Variants in PRKG1 observed in about 807,000 individuals in gnomAD.
PRKG1 encodes cGMP-dependent protein kinase 1.
Under a neutral mutation model 88.1 loss-of-function variants are expected in PRKG1, and 35 were observed. The observed-to-expected ratio is 0.40, with a 90% CI of 0.30 to 0.53. PRKG1 has a LOEUF of 0.53. PRKG1 is among the 20% of genes least tolerant of loss of function. The pLI is 0.59. For synonymous variants in PRKG1, 303 were observed against 292.5 expected, an observed-to-expected ratio of 1.04 and a Z score of -0.37; for missense variants, 540 against 839.8, an observed-to-expected ratio of 0.64 and a Z score of 4.41.
At chr10:51,212,883 C>G (rs1838262580) in intron 2 of PRKG1, among the ~76,000 whole-genome samples, 1 of 152,164 alleles carries the variant, frequency 6.6e-6, no homozygotes, top group Non-Finnish European at 1.5e-5. Context: ...TAAACTAGTT[C>G]AACCATTGTG....
At chr10:51,775,208 T>G (rs1838402750) in intron 3 of PRKG1, among the ~76,000 whole-genome samples, 1 of 152,146 alleles carries the variant, frequency 6.6e-6, no homozygotes, top group Admixed American at 6.6e-5. Flanking sequence ...ACTTCATCTT[T>G]CAGGCAAAAT....
intron 3 of PRKG1, among the ~76,000 whole-genome samples, chr10:51,477,954 G>A (rs756251877): frequency 1.3e-5 from 2 of 152,040 alleles, no homozygotes; most frequent in Non-Finnish European, 2.9e-5. Context: ...TACAGGTAAG[G>A]ATATAGTGGC....
chr10:51,118,857 G>T (rs1324577639), intron 1 of PRKG1, among the ~76,000 whole-genome samples: 3 of 152,090 alleles, frequency 2.0e-5, no homozygotes, highest in Non-Finnish European at 4.4e-5. Flanking sequence ...GAACAAGCTA[G>T]GTTAATTGAA....
chr10:51,465,114 G>C (rs975859237), intron 2 of PRKG1, among the ~76,000 whole-genome samples: 1 of 152,120 alleles, frequency 6.6e-6, no homozygotes, highest in African/African-American at 2.4e-5. Context: ...AACTGAGTAT[G>C]GTGGTCGTGG....
chr10:52,251,476 C>T, intron 9 of PRKG1, 94 bp from the exon 10 acceptor site: 2 of 968,106 alleles, frequency 2.1e-6, no homozygotes, highest in South Asian at 2.8e-5. Context: ...CAGGTAAACC[C>T]TGTTCCACAG....
rs60182756 is a variant in PRKG1 at position 51,436,175 on chromosome 10, GT to G, written c.479-31533del. Among the ~76,000 whole-genome samples, 1,287 of 132,632 alleles carry G rather than the reference GT, an allele frequency of 9.7e-3. 5 individuals carry two copies. Among genetic ancestry groups the G allele is most frequent in the African/African-American group, 0.022 (815 of 36,924 alleles). The allele number at this position is 132,632 out of a possible 152,430, so 87.0% of individuals were successfully genotyped here. A position where few individuals can be genotyped will look rare whatever the true frequency, so the allele number is the denominator to read the frequency against. ...GGGTTAGAGTTTCTATCTGTAAGTT[GT>G]TTTTTTTTTTTTTTAGCATAGTTCC... On this transcript the variant is annotated intron_variant, in intron 2 of 17. Coordinates refer to ENST00000373980, the MANE Select transcript of PRKG1 (RefSeq NM_006258.4).
intron 2 of PRKG1, among the ~76,000 whole-genome samples, chr10:51,154,335 T>A (rs1846152176): frequency 6.6e-6 from 1 of 151,506 alleles, no homozygotes. Flanking sequence ...ACAAAGGGGG[T>A]GATGTTGGGG....
intron 5 of PRKG1, among the ~76,000 whole-genome samples, chr10:52,026,905 G>T (rs1203262669): frequency 2.0e-5 from 3 of 152,134 alleles, no homozygotes; most frequent in Non-Finnish European, 4.4e-5. Flanking sequence ...AACCCGGGAG[G>T]TGGAGCTTGC....
At chr10:51,294,594 T>C (rs1279225712) in intron 2 of PRKG1, among the ~76,000 whole-genome samples, 1 of 152,164 alleles carries the variant, frequency 6.6e-6, no homozygotes. Context: ...TTAATTAGTG[T>C]AATTTAAAGT....
intron 2 of PRKG1, among the ~76,000 whole-genome samples, chr10:51,360,955 G>T (rs1198007220): frequency 2.6e-5 from 4 of 151,882 alleles, no homozygotes; most frequent in African/African-American, 9.7e-5. Flanking sequence ...CTAGTGAAGA[G>T]CAGATTATGG....
chr10:51,958,494 G>T (rs920206729), intron 5 of PRKG1, among the ~76,000 whole-genome samples: 8 of 150,836 alleles, frequency 5.3e-5, no homozygotes, highest in Non-Finnish European at 7.4e-5. Flanking sequence ...GGTCCTTTGT[G>T]GCCTATGATG....
intron 5 of PRKG1, among the ~76,000 whole-genome samples, chr10:51,943,392 T>C (rs1219696594): frequency 6.6e-6 from 1 of 152,028 alleles, no homozygotes; most frequent in Non-Finnish European, 1.5e-5. Flanking sequence ...AATCATGTCA[T>C]CTGCAAACAG....
At chr10:51,176,010 A>T (rs16914985) in intron 2 of PRKG1, among the ~76,000 whole-genome samples, 8,511 of 152,236 alleles carry the variant, frequency 0.056, 458 homozygotes, top group African/African-American at 0.14. Flanking sequence ...TTTAAGAAAG[A>T]TGGGACAATT....
intron 5 of PRKG1, among the ~76,000 whole-genome samples, chr10:52,009,653 C>T (rs1178017151): frequency 1.3e-5 from 2 of 152,070 alleles, no homozygotes; most frequent in Non-Finnish European, 2.9e-5. Flanking sequence ...TGACATTCTT[C>T]ACAGAATTAG....
At chr10:51,276,565 G>C (rs1840124362) in intron 2 of PRKG1, among the ~76,000 whole-genome samples, 1 of 152,118 alleles carries the variant, frequency 6.6e-6, no homozygotes, top group Admixed American at 6.5e-5. Context: ...GGTTGAACTA[G>C]TTTACAGTCC....
chr10:52,088,182 C>A (rs1418836759), intron 7 of PRKG1, among the ~76,000 whole-genome samples: 1 of 152,036 alleles, frequency 6.6e-6, no homozygotes, highest in Non-Finnish European at 1.5e-5. Context: ...ATAGTATACA[C>A]TCAGTTCTTT....
At chr10:51,042,861 A>T (rs986400831) in intron 1 of PRKG1, among the ~76,000 whole-genome samples, 1 of 152,162 alleles carries the variant, frequency 6.6e-6, no homozygotes, top group Non-Finnish European at 1.5e-5. Context: ...ATACCCTTAT[A>T]AAAGAGATCC....
intron 5 of PRKG1, among the ~76,000 whole-genome samples, chr10:51,913,274 G>A (rs1170324714): frequency 5.3e-5 from 8 of 152,126 alleles, no homozygotes; most frequent in Non-Finnish European, 8.8e-5. Flanking sequence ...TTTGTTACAC[G>A]AGGATATTGC....
chr10:51,252,019 C>T (rs1320260814), intron 2 of PRKG1, among the ~76,000 whole-genome samples: 9 of 149,806 alleles, frequency 6.0e-5, no homozygotes, highest in African/African-American at 2.0e-4. Flanking sequence ...ATATTGCATA[C>T]TATTGCATAT....
Sources: allele counts gnomAD v4.1 joint callset (sites outside exome capture counted in the v4.1 genomes callset), GRCh38; gene constraint gnomAD v4.1.1; transcripts MANE v1.5; gene names NCBI Gene and HGNC (gene_info 2026-07-23, HGNC 2026-07-21).